Variants in TSACC observed in about 807,000 individuals in gnomAD.
The protein encoded by TSACC is TSSK6-activating co-chaperone protein.
A neutral mutation model predicts 6.9 loss-of-function variants in TSACC; 3 were observed. The observed-to-expected ratio is 0.43, with a 90% CI of 0.20 to 1.12. The LOEUF (loss-of-function observed/expected upper bound fraction) is 1.12. TSACC is among the 50% of genes most tolerant of loss of function. The pLI, the probability that TSACC is intolerant of heterozygous loss-of-function variation, is 0.28. For missense variants in TSACC, 137 were observed against 143.9 expected (o/e 0.95, Z 0.24); for synonymous variants, 54 against 55.1 (o/e 0.98, Z 0.09).
intron 3 of TSACC, among the ~76,000 whole-genome samples, chr1:156,346,368 CACTCATCA>C (rs1666178683): frequency 1.3e-5 from 2 of 152,094 alleles, no homozygotes; most frequent in South Asian, 4.1e-4. Flanking sequence ...CCATTTCATT[CACTCATCA>C]AATATTTGTT....
In TSACC at chr1:156,344,825, A is replaced by G. The variant is rs1273045999; in HGVS notation, c.163+117A>G. 3.1e-6 allele frequency: 4 copies of G among 1,279,548 alleles called. No individual in the cohort carries two copies. In the Middle Eastern group the frequency reaches 7.2e-4, roughly 229 times the overall value. The allele number at this position is 1,279,548 out of a possible 1,614,324, so 79.3% of individuals were successfully genotyped here. On this transcript the variant is annotated intron_variant, in intron 3 of 3. Transcript: ENST00000368254. ...CCAAATCTATGTTAGGCATCTATAG[A>G]TCTTTCCGTGATAGCTTGTTGATTA...
At chr1:156,338,187 C>A (rs1222773400), upstream of TSACC, 3 of 1,587,462 alleles carry the variant, frequency 1.9e-6, no homozygotes, top group South Asian at 1.2e-5. Context: ...CCCATCATGG[C>A]GACGCGATGC....
At position 156,339,805 on chromosome 1, in the gene TSACC, GC is replaced by G; in HGVS notation, c.34+17del. Reference sequence around the variant, plus strand: ...CTAACAGAAAAGGTGTGTGTTGGAGGCCCTGCTTCCCCTCCCTTAAAAAGCA... The same window carrying G: ...CTAACAGAAAAGGTGTGTGTTGGAGGCCTGCTTCCCCTCCCTTAAAAAGCA... On this transcript the variant is annotated intron_variant, in intron 2 of 3. Transcript: ENST00000368254. 1.2e-6 allele frequency: 2 copies of G among 1,613,732 alleles called. No homozygotes were observed. Among genetic ancestry groups the G allele is most frequent in the Non-Finnish European group, 1.7e-6 (2 of 1,179,842 alleles).
intron 2 of TSACC, 102 bp from the exon 3 acceptor site, chr1:156,344,478 G>C (rs1314676807): frequency 1.1e-5 from 16 of 1,447,346 alleles, no homozygotes; most frequent in Middle Eastern, 3.6e-4. Context: ...ACATATTCAC[G>C]GCAGGGCCTG....
At chr1:156,338,062 G>A (rs973688451), upstream of TSACC, 3 of 1,381,024 alleles carry the variant, frequency 2.2e-6, no homozygotes, top group East Asian at 5.0e-5. Flanking sequence ...TCAGTGGCCC[G>A]GTCAGTGGGG....
At chr1:156,344,361 A>G (rs72710225) in intron 2 of TSACC, among the ~76,000 whole-genome samples, 10,434 of 152,274 alleles carry the variant, frequency 0.069, 488 homozygotes, top group Non-Finnish European at 0.1. Context: ...AGTGTATATC[A>G]GTAAGAACTT....
chr1:156,340,254 G>A (rs1285439859), intron 2 of TSACC, among the ~76,000 whole-genome samples: 1 of 152,170 alleles, frequency 6.6e-6, no homozygotes, highest in African/African-American at 2.4e-5. Flanking sequence ...CGTCTCCTGG[G>A]TTCACGCCAT....
At chr1:156,342,801 C>T (rs1309001395) in intron 2 of TSACC, among the ~76,000 whole-genome samples, 2 of 152,174 alleles carry the variant, frequency 1.3e-5, no homozygotes, top group South Asian at 2.1e-4. Context: ...GTATCCACAG[C>T]GATGACACAT....
Position 156,346,010 on chromosome 1 carries a change from G to A in TSACC, c.164-758G>A, listed in dbSNP as rs147643291. On this transcript the variant is annotated intron_variant, in intron 3 of 3. Transcript: ENST00000368254. Reference sequence around the variant, plus strand: ...GGAGTTCGAGACCAGCCTGGGCAACGTGGTGAAACCTCGTCTCTACTAATG... The same window carrying A: ...GGAGTTCGAGACCAGCCTGGGCAACATGGTGAAACCTCGTCTCTACTAATG... 9.2e-3 allele frequency among the ~76,000 whole-genome samples: 1,391 copies of A among 151,646 alleles called. 26 individuals carry two copies. Among genetic ancestry groups the A allele is most frequent in the African/African-American group, 0.031 (1,276 of 41,380 alleles).
In TSACC at chr1:156,339,572, A is replaced by G; in HGVS notation, c.-124-62A>G. 3 of 626,102 alleles carry G rather than the reference A, an allele frequency of 4.8e-6. No individual in the cohort carries two copies. The South Asian group carries it at 6.6e-5, about 14-fold the overall frequency. The allele number at this position is 626,102 out of a possible 1,614,324, so 38.8% of individuals were successfully genotyped here. A position where few individuals can be genotyped will look rare whatever the true frequency, so the allele number is the denominator to read the frequency against. ...TAGTGAAGGGGCCGTGAGAGCACCA[A>G]CAGTTCAAGAACAGTCACCTGTTTG... On this transcript the variant is annotated intron_variant, in intron 1 of 3. Transcript: ENST00000368254.
At chr1:156,342,900 C>T (rs950807017) in intron 2 of TSACC, among the ~76,000 whole-genome samples, 1 of 152,202 alleles carries the variant, frequency 6.6e-6, no homozygotes, top group Non-Finnish European at 1.5e-5. Context: ...ATTATTGTCT[C>T]CCTACTGTCT....
upstream of TSACC, chr1:156,337,907 G>A: frequency 1.8e-6 from 1 of 553,586 alleles, no homozygotes; most frequent in South Asian, 2.4e-5. Context: ...GAGTGGGAAA[G>A]AGCTTCCCAA....
In TSACC at chr1:156,346,873, T is replaced by C. The variant is rs1289780874; in HGVS notation, c.269T>C (p.Leu90Ser). The C allele has an allele frequency of 3.7e-6, 6 of 1,614,192 alleles. No homozygotes were observed. The highest frequency in any genetic ancestry group is 3.4e-6 in the Non-Finnish European group (4 of 1,180,020). ...CAACAGATGGCTGTTTTGGAACATT[T>C]ACAGGCATCTGTGACACAACTGGCT... ...AQQQMAVLEH[L>S]QASVTQLAPG... The change falls in exon 4 of 4, where the codon TTA (leucine) becomes TCA (serine). Residue 90 changes from leucine to serine, a missense_variant. Transcript: ENST00000368254.
Position 156,338,583 on chromosome 1 carries a change from G to A in TSACC, c.-147G>A. ...AACTCTAGGGTTGGGTGCTGGGGTT[G>A]CGGCTTTCGGTTAACACCGCAGGTG... is the stretch of plus-strand genomic sequence containing the variant. On this transcript the variant is annotated 5_prime_UTR_variant, in exon 1 of 4. Coordinates refer to ENST00000368254, the MANE Select transcript of TSACC (RefSeq NM_001304817.2). The A allele has an allele frequency of 3.5e-6, 1 of 288,456 alleles. No individual in the cohort carries two copies. The allele number at this position is 288,456 out of a possible 1,614,324, so 17.9% of individuals were successfully genotyped here. A position where few individuals can be genotyped will look rare whatever the true frequency, so the allele number is the denominator to read the frequency against.
chr1:156,344,573 G>A lies in TSACC; in HGVS notation c.35-7G>A, dbSNP rs942631761. ...AATGAGCTCTGATTTAGTTATCTCT[G>A]ATTTAGTTCCAGCCAAAGAGGAAGC... On this transcript the variant is annotated splice_polypyrimidine_tract_variant and splice_region_variant and intron_variant, in intron 2 of 3. Transcript: ENST00000368254. The A allele has an allele frequency of 1.8e-5, 29 of 1,612,980 alleles. 1 individual carries two copies. In the East Asian group the frequency reaches 6.5e-4, roughly 36 times the overall value.
chr1:156,338,341 C>G, upstream of TSACC: 1 of 697,094 alleles, frequency 1.4e-6, no homozygotes, highest in Admixed American at 2.3e-5. Flanking sequence ...GCACCCATCT[C>G]ATTGATCGGC....
Position 156,339,751 on chromosome 1 carries a change from T to G in TSACC, c.-7T>G. On this transcript the variant is annotated 5_prime_UTR_variant, in exon 2 of 4. Transcript: ENST00000368254. ...CTTTCCCAGGCACCACACCTGTTGG[T>G]GTTCAGATGGAGCGGCACACTAGTC... The G allele has an allele frequency of 6.2e-7, 1 of 1,614,142 alleles. No homozygotes were observed. Among genetic ancestry groups the G allele is most frequent in the Non-Finnish European group, 8.5e-7 (1 of 1,180,000 alleles).
upstream of TSACC, chr1:156,338,405 A>G (rs569338461): frequency 3.4e-6 from 2 of 586,442 alleles, no homozygotes; most frequent in Admixed American, 3.0e-5. Flanking sequence ...AAGAACGGCC[A>G]GACAAGTTAG....
chr1:156,337,750 G>T, upstream of TSACC: 1 of 218,174 alleles, frequency 4.6e-6, no homozygotes, highest in Non-Finnish European at 9.2e-6. Flanking sequence ...TTAAATTACC[G>T]CTACTAAGGG....
Sources: gnomAD v4.1 joint callset for allele counts (sites outside exome capture counted in the v4.1 genomes callset) on GRCh38, gnomAD v4.1.1 for gene constraint, MANE v1.5 for transcripts, NCBI Gene and HGNC (gene_info 2026-07-23, HGNC 2026-07-21) for gene names.